NWD1: variants seen among roughly 807,000 people sequenced by gnomAD.
NWD1 encodes NACHT domain- and WD repeat-containing protein 1.
A neutral mutation model predicts 135.1 loss-of-function variants in NWD1; 129 were observed. The ratio of observed to expected loss-of-function variants is 0.96; its 90% CI spans 0.83 to 1.11. The LOEUF (loss-of-function observed/expected upper bound fraction) is 1.11, where lower values mean the gene tolerates loss of function less well. Among genes scored for constraint, NWD1 ranks in the 50% least tolerant of loss-of-function variants. The probability of loss-of-function intolerance (pLI) is 0.00; values close to 1 mark genes in which losing one functional copy is unlikely to be tolerated. For missense variants in NWD1, 1,740 were observed against 1,851.3 expected (o/e 0.94, Z 1.10); for synonymous variants, 773 against 786.0 (o/e 0.98, Z 0.28).
chr19:16,755,428 G>C (rs940868676), intron 6 of NWD1, among the ~76,000 whole-genome samples: 14 of 152,000 alleles, frequency 9.2e-5, no homozygotes, highest in Non-Finnish European at 1.5e-4. Flanking sequence ...TCACTCTGTT[G>C]CTTAGCCTGG....
At chr19:16,799,654 G>A (rs1970533267) in intron 16 of NWD1, among the ~76,000 whole-genome samples, 1 of 151,848 alleles carries the variant, frequency 6.6e-6, no homozygotes, top group South Asian at 2.1e-4. Context: ...TTACAGGCAT[G>A]CACCACCAAG....
At chr19:16,790,638 AAAATAAAT>A (rs1555730370) in intron 13 of NWD1, among the ~76,000 whole-genome samples, 13 of 56,938 alleles carry the variant, frequency 2.3e-4, no homozygotes, top group Admixed American at 2.3e-3. Context: ...ACATTAAAAA[AAAATAAAT>A]AAATAAATAA....
intron 18 of NWD1, among the ~76,000 whole-genome samples, chr19:16,809,259 T>G (rs1449063770): frequency 1.3e-5 from 2 of 151,736 alleles, no homozygotes; most frequent in East Asian, 3.9e-4. Context: ...AATTTTTGTG[T>G]TTTTAGTAGA....
rs1194712361 is a variant in NWD1 at position 16,800,051 on chromosome 19, G to C, written c.3625G>C (p.Ala1209Pro). 1.9e-6 allele frequency: 3 copies of C among 1,614,206 alleles called. No homozygotes were observed. In the Admixed American group the frequency reaches 5.0e-5, roughly 27 times the overall value. Residue 1209 changes from alanine to proline, a missense_variant, in exon 17 of 19, where the codon GCA (alanine) becomes CCA (proline). Physicochemically the swap from Ala to Pro is conservative, Grantham distance 27. Coordinates refer to ENST00000524140, the MANE Select transcript of NWD1 (RefSeq NM_001007525.5). ...LSDAHRSRVP[A>P]PFLDRTGLTA... Reference sequence around the variant, plus strand: ...CGATGCTCATAGGTCCCGGGTGCCTGCACCATTTCTGGACCGCACCGGCCT... The same window carrying C: ...CGATGCTCATAGGTCCCGGGTGCCTCCACCATTTCTGGACCGCACCGGCCT...
At chr19:16,720,670 T>A (rs1967101903) in intron 1 of NWD1, among the ~76,000 whole-genome samples, 1 of 152,130 alleles carries the variant, frequency 6.6e-6, no homozygotes, top group Admixed American at 6.6e-5. Context: ...TTCTCCTGCC[T>A]CAGCCTCCTG....
chr19:16,788,830 A>C, intron 12 of NWD1, 152 bp from the exon 13 acceptor site: 1 of 664,974 alleles, frequency 1.5e-6, no homozygotes, highest in Non-Finnish European at 2.7e-6. Flanking sequence ...AATGTTATTG[A>C]CTCCATTTTT....
chr19:16,799,771 G>A, intron 16 of NWD1, 115 bp from the exon 17 acceptor site: 2 of 901,726 alleles, frequency 2.2e-6, no homozygotes, highest in South Asian at 1.8e-5. Context: ...GCCTCCCAAA[G>A]TGTTGGGATT....
At chr19:16,743,668 A>ATTTG (rs1968178715) in intron 4 of NWD1, among the ~76,000 whole-genome samples, 1 of 140,794 alleles carries the variant, frequency 7.1e-6, no homozygotes, top group African/African-American at 3.1e-5. Flanking sequence ...TTATTTATTT[A>ATTTG]TTTATTAGTT....
intron 11 of NWD1, among the ~76,000 whole-genome samples, chr19:16,776,504 G>A (rs915404414): frequency 6.6e-6 from 1 of 151,426 alleles, no homozygotes; most frequent in African/African-American, 2.4e-5. Flanking sequence ...GAAGGCGGAG[G>A]TTGCAGTGAG....
At chr19:16,740,959 G>A (rs1274911523) in intron 4 of NWD1, among the ~76,000 whole-genome samples, 1 of 152,062 alleles carries the variant, frequency 6.6e-6, no homozygotes, top group Non-Finnish European at 1.5e-5. Flanking sequence ...AGGAATTCAA[G>A]ACCAGCCTGG....
chr19:16,814,833 G>A (rs1971020270), intron 18 of NWD1, among the ~76,000 whole-genome samples, 195 bp from the exon 19 acceptor site: 1 of 152,142 alleles, frequency 6.6e-6, no homozygotes, highest in Non-Finnish European at 1.5e-5. Flanking sequence ...AAATCGCCCT[G>A]AGCAGGTGTA....
At chr19:16,748,258 A>G (rs548785377) in intron 5 of NWD1, among the ~76,000 whole-genome samples, 1 of 151,884 alleles carries the variant, frequency 6.6e-6, no homozygotes, top group South Asian at 2.1e-4. Context: ...TGCTGGGATT[A>G]CAGGCATGAG....
At position 16,794,431 on chromosome 19, in the gene NWD1, A is replaced by G; in HGVS notation, c.3214-32A>G. On this transcript the variant is annotated intron_variant, in intron 14 of 18. Coordinates refer to ENST00000524140, the MANE Select transcript of NWD1 (RefSeq NM_001007525.5). ...AGACTTGTAACCCTTAACCCGTGGA[A>G]GTGCCTGACAGGCATCCCTGGTTCT... The G allele has an allele frequency of 3.9e-6, 5 of 1,288,572 alleles. 1 individual carries two copies. In the South Asian group the frequency reaches 6.0e-5, roughly 16 times the overall value. 79.8% of individuals were successfully genotyped at this position (1,288,572 alleles called of 1,614,324 possible).
chr19:16,786,181 CTT>C (rs67953014), intron 12 of NWD1, among the ~76,000 whole-genome samples: 1 of 147,834 alleles, frequency 6.8e-6, no homozygotes, highest in African/African-American at 2.5e-5. Context: ...ATTATTTTTA[CTT>C]TTTTTTTTAG....
intron 12 of NWD1, among the ~76,000 whole-genome samples, chr19:16,784,806 G>A (rs1969982168): frequency 6.6e-6 from 1 of 152,032 alleles, no homozygotes. Flanking sequence ...GCACACACCT[G>A]TAGTCCCAGC....
At chr19:16,810,836 C>A (rs940212940) in intron 18 of NWD1, among the ~76,000 whole-genome samples, 1 of 152,006 alleles carries the variant, frequency 6.6e-6, no homozygotes, top group Non-Finnish European at 1.5e-5. Context: ...AACTGTCAAC[C>A]TTATGGGAAT....
At chr19:16,775,476 T>A (rs572649610) in intron 11 of NWD1, among the ~76,000 whole-genome samples, 12 of 152,056 alleles carry the variant, frequency 7.9e-5, no homozygotes, top group Admixed American at 7.9e-4. Context: ...GTTGGCCCAA[T>A]ATAGCTGCTC....
chr19:16,734,377 T>G (rs1417591113), intron 3 of NWD1, among the ~76,000 whole-genome samples: 1 of 151,706 alleles, frequency 6.6e-6, no homozygotes, highest in African/African-American at 2.4e-5. Context: ...TGAAACCCCA[T>G]CTCTACTAAA....
chr19:16,759,955 C>T (rs1302704168), intron 7 of NWD1, among the ~76,000 whole-genome samples: 1 of 151,990 alleles, frequency 6.6e-6, no homozygotes, highest in Non-Finnish European at 1.5e-5. Context: ...GATCGCACCA[C>T]TGTACTCCAG....
Sources: allele counts gnomAD v4.1 joint callset (sites outside exome capture counted in the v4.1 genomes callset), GRCh38; gene constraint gnomAD v4.1.1; transcripts MANE v1.5; gene names NCBI Gene and HGNC (gene_info 2026-07-23, HGNC 2026-07-21).